The following ANXA2 variants were observed in gnomAD, a reference collection of about 807,000 sequenced individuals.
The protein encoded by ANXA2 is annexin II.
Under a neutral mutation model 47.3 loss-of-function variants are expected in ANXA2, and 28 were observed. The ratio of observed to expected loss-of-function variants is 0.59; its 90% CI spans 0.44 to 0.81. The LOEUF is 0.81. Among genes scored for constraint, ANXA2 ranks in the 40% least tolerant of loss-of-function variants. ANXA2 has a pLI of 0.00. For missense variants in ANXA2, 384 were observed against 414.3 expected, an observed-to-expected ratio of 0.93 and a Z score of 0.64; for synonymous variants, 172 against 155.5, an observed-to-expected ratio of 1.11 and a Z score of -0.79.
intron 4 of ANXA2, 33 bp downstream of exon 4, chr15:60,364,396 A>T: frequency 6.4e-7 from 1 of 1,564,960 alleles, no homozygotes; most frequent in South Asian, 1.1e-5. Context: ...AAATTCAACA[A>T]GAAATGCCCT....
At chr15:60,385,171 G>C (rs1012695392) in intron 2 of ANXA2, among the ~76,000 whole-genome samples, 4 of 152,172 alleles carry the variant, frequency 2.6e-5, no homozygotes, top group Non-Finnish European at 1.5e-5. Context: ...AGAAAAAAAG[G>C]AAACAGATGA....
chr15:60,368,824 T>A (rs2062674802), intron 3 of ANXA2, among the ~76,000 whole-genome samples: 1 of 152,206 alleles, frequency 6.6e-6, no homozygotes, highest in Non-Finnish European at 1.5e-5. Flanking sequence ...TGACTTCACT[T>A]CAAGAGAGTC....
chr15:60,387,086 G>C (rs2062943076), intron 1 of ANXA2: 1 of 152,126 alleles, frequency 6.6e-6, no homozygotes, highest in Admixed American at 6.5e-5. Context: ...AACTGGTTTG[G>C]CGAGAGTATG....
chr15:60,369,122 C>CCCACTTCTGCTT (rs1183400885), intron 3 of ANXA2, among the ~76,000 whole-genome samples: 2 of 152,158 alleles, frequency 1.3e-5, no homozygotes, highest in African/African-American at 2.4e-5. Flanking sequence ...ACAATGACCC[C>CCCACTTCTGCTT]CCACTTCTGC....
intron 3 of ANXA2, among the ~76,000 whole-genome samples, chr15:60,367,228 G>A (rs1289704673): frequency 1.6e-3 from 167 of 102,790 alleles, no homozygotes; most frequent in Non-Finnish European, 2.5e-3. Context: ...GGGGGGGTCA[G>A]CCCCCCGCCC....
At chr15:60,379,888 G>C (rs187039146) in intron 3 of ANXA2, among the ~76,000 whole-genome samples, 2 of 152,198 alleles carry the variant, frequency 1.3e-5, no homozygotes, top group Non-Finnish European at 2.9e-5. Flanking sequence ...ATTACCATGA[G>C]AGTTTCAGCT....
At chr15:60,359,843 G>T (rs533187137) in intron 5 of ANXA2, among the ~76,000 whole-genome samples, 1 of 152,230 alleles carries the variant, frequency 6.6e-6, no homozygotes, top group Non-Finnish European at 1.5e-5. Context: ...CTTTACCCAT[G>T]TATATCAGCA....
At chr15:60,397,481 G>C (rs1490818572) in intron 1 of ANXA2, 2 of 267,834 alleles carry the variant, frequency 7.5e-6, no homozygotes, top group East Asian at 1.2e-4. Context: ...CGTTTGTTTC[G>C]AGTACAGTAA....
intron 12 of ANXA2, 118 bp from the exon 13 acceptor site, chr15:60,347,807 T>C: frequency 2.2e-6 from 2 of 896,810 alleles, no homozygotes; most frequent in Non-Finnish European, 3.5e-6. Context: ...GAGAAGACTC[T>C]GCAGGAGACC....
At chr15:60,379,875 T>G (rs763269957) in intron 3 of ANXA2, among the ~76,000 whole-genome samples, 4 of 152,226 alleles carry the variant, frequency 2.6e-5, no homozygotes, top group Non-Finnish European at 4.4e-5. Context: ...TGAAGGTATT[T>G]TTATTACCAT....
intron 3 of ANXA2, among the ~76,000 whole-genome samples, chr15:60,368,284 C>G (rs1179796386): frequency 7.7e-6 from 1 of 129,812 alleles, no homozygotes; most frequent in African/African-American, 2.9e-5. Context: ...TCCCCCTCTG[C>G]GAGAAACACC....
intron 3 of ANXA2, among the ~76,000 whole-genome samples, chr15:60,376,706 C>T (rs1389790988): frequency 6.6e-6 from 1 of 152,192 alleles, no homozygotes; most frequent in African/African-American, 2.4e-5. Context: ...GTGAGAACAG[C>T]CTTCGTGACT....
intron 11 of ANXA2, 73 bp downstream of exon 11, chr15:60,351,120 G>A (rs1895989573): frequency 2.0e-6 from 3 of 1,503,404 alleles, no homozygotes; most frequent in Middle Eastern, 1.7e-4. Context: ...ATGAATCAAG[G>A]AGACTCAATT....
chr15:60,380,943 T>C (rs370302215), intron 3 of ANXA2, among the ~76,000 whole-genome samples: 9 of 152,016 alleles, frequency 5.9e-5, no homozygotes, highest in African/African-American at 1.4e-4. Flanking sequence ...CCAAGGCAGA[T>C]GATGCAAATA....
At chr15:60,351,526 C>T (rs757090980) in intron 10 of ANXA2, 198 bp downstream of exon 10, 8 of 620,622 alleles carry the variant, frequency 1.3e-5, no homozygotes, top group African/African-American at 3.7e-5. Context: ...TCTTACTCCT[C>T]CCTGGCAACA....
At chr15:60,363,045 A>AC (rs1341597600) in intron 4 of ANXA2, 25 of 151,090 alleles carry the variant, frequency 1.7e-4, no homozygotes, top group African/African-American at 6.1e-4. Context: ...AAAAAAAAAA[A>AC]AAAAAAAAAA....
intron 5 of ANXA2, among the ~76,000 whole-genome samples, chr15:60,357,486 GT>G (rs951187632): frequency 1.3e-4 from 20 of 151,502 alleles, no homozygotes; most frequent in African/African-American, 3.9e-4. Flanking sequence ...TGTTAATATG[GT>G]TTTTTTTTTT....
At chr15:60,370,254 A>C (rs1240808946) in intron 3 of ANXA2, among the ~76,000 whole-genome samples, 1 of 152,186 alleles carries the variant, frequency 6.6e-6, no homozygotes, top group Non-Finnish European at 1.5e-5. Context: ...AATGAAATGG[A>C]GGCTGTTTCT....
chr15:60,395,282 G>A (rs1439733107), intron 1 of ANXA2, among the ~76,000 whole-genome samples: 1 of 152,120 alleles, frequency 6.6e-6, no homozygotes, highest in Non-Finnish European at 1.5e-5. Flanking sequence ...TTTTTGGCGG[G>A]GGTCTGTTTT....
Sources: gnomAD v4.1 joint callset for allele counts (sites outside exome capture counted in the v4.1 genomes callset) on GRCh38, gnomAD v4.1.1 for gene constraint, MANE v1.5 for transcripts, NCBI Gene and HGNC (gene_info 2026-07-23, HGNC 2026-07-21) for gene names.